Variants in CREB5 observed in about 807,000 individuals in gnomAD.
CREB5 encodes the protein cAMP responsive element binding protein 5, also known as cyclic AMP-responsive element-binding protein 5.
A neutral mutation model predicts 57.1 loss-of-function variants in CREB5; 19 were observed. That is an observed-to-expected ratio of 0.33 (90% CI 0.23 to 0.49). CREB5 has a LOEUF of 0.49. CREB5 is among the 20% of genes least tolerant of loss of function. The pLI is 0.99. For missense variants in CREB5, 579 were observed against 671.6 expected, an observed-to-expected ratio of 0.86 and a Z score of 1.52; for synonymous variants, 238 against 238.3, an observed-to-expected ratio of 1.00 and a Z score of 0.01.
chr7:28,633,704 G>A (rs982568695), intron 5 of CREB5, among the ~76,000 whole-genome samples: 1 of 152,122 alleles, frequency 6.6e-6, no homozygotes, highest in African/African-American at 2.4e-5. Context: ...AGTGGGGGTG[G>A]GGTTCATGGT....
chr7:28,344,183 G>C (rs927676110), intron 1 of CREB5, among the ~76,000 whole-genome samples: 2 of 151,042 alleles, frequency 1.3e-5, no homozygotes, highest in African/African-American at 2.4e-5. Flanking sequence ...TTTTGCTTTT[G>C]TTGCCTGTGC....
exon 1 of CREB5, chr7:28,299,324 CT>C (rs764952523): frequency 1.6e-4 from 24 of 152,248 alleles, no homozygotes; most frequent in Non-Finnish European, 2.6e-4. Flanking sequence ...TATTTTTGAT[CT>C]GATGAATCCA....
At chr7:28,734,077 A>G (rs1475494435) in intron 7 of CREB5, among the ~76,000 whole-genome samples, 3 of 152,150 alleles carry the variant, frequency 2.0e-5, no homozygotes, top group Admixed American at 2.0e-4. Context: ...GCAGCTCTGC[A>G]GAGAAGCCCT....
At chr7:28,581,554 GTCTC>G (rs893965112) in intron 5 of CREB5, among the ~76,000 whole-genome samples, 4 of 152,222 alleles carry the variant, frequency 2.6e-5, no homozygotes, top group Non-Finnish European at 4.4e-5. Flanking sequence ...AAGTATGGGT[GTCTC>G]TCTCCTCCCC....
chr7:28,407,935 T>C (rs1057313697), upstream of CREB5, among the ~76,000 whole-genome samples: 12 of 152,210 alleles, frequency 7.9e-5, no homozygotes, highest in African/African-American at 2.9e-4. Flanking sequence ...AAATGTCAGA[T>C]GTTACATAAA....
intron 1 of CREB5, among the ~76,000 whole-genome samples, chr7:28,375,603 G>GA (rs200904725): frequency 0.017 from 2,310 of 137,202 alleles, 52 homozygotes; most frequent in African/African-American, 0.072. Flanking sequence ...AAGAAAAAAG[G>GA]AAAAAAAAAC....
intron 1 of CREB5, among the ~76,000 whole-genome samples, chr7:28,459,205 G>A (rs1414516271): frequency 6.6e-6 from 1 of 152,098 alleles, no homozygotes; most frequent in Non-Finnish European, 1.5e-5. Flanking sequence ...TGTGTGCGGG[G>A]GAGTCTGTCT....
Position 28,673,862 on chromosome 7 carries a change from C to T in CREB5, c.465-44891C>T, listed in dbSNP as rs146046110. 1.5e-3 allele frequency among the ~76,000 whole-genome samples: 229 copies of T among 151,746 alleles called. 2 individuals are homozygous for T. Among genetic ancestry groups the T allele is most frequent in the East Asian group, 5.8e-3 (30 of 5,140 alleles). ...CTAATTTTTGTATTTTTTGTAGAGACGGGGTCTCATCATGTTGGCCAGGCT... is the reference window on the plus strand; with the variant it reads ...CTAATTTTTGTATTTTTTGTAGAGATGGGGTCTCATCATGTTGGCCAGGCT... On this transcript the variant is annotated intron_variant, in intron 5 of 10. Coordinates refer to ENST00000357727, the MANE Select transcript of CREB5 (RefSeq NM_182898.4).
In CREB5 at chr7:28,605,997, G is replaced by A. The variant is rs556784409; in HGVS notation, c.464+35460G>A. ...AAAACTCAACGACTGAACACTTGAC[G>A]TGGATAAATTTCACTATATGCAATT... On this transcript the variant is annotated intron_variant, in intron 5 of 10. Coordinates refer to ENST00000357727, the MANE Select transcript of CREB5 (RefSeq NM_182898.4). Among the ~76,000 whole-genome samples, 40 of 152,242 alleles carry A rather than the reference G, an allele frequency of 2.6e-4. 1 individual carries two copies. The South Asian group carries it at 6.2e-3, about 24-fold the overall frequency.
chr7:28,439,988 T>G (rs1347334567), intron 1 of CREB5, among the ~76,000 whole-genome samples: 1 of 152,214 alleles, frequency 6.6e-6, no homozygotes, highest in Non-Finnish European at 1.5e-5. Context: ...AACACTTGTC[T>G]GTGCTTAGCT....
chr7:28,362,629 T>C (rs559230047), intron 1 of CREB5, among the ~76,000 whole-genome samples: 41 of 152,338 alleles, frequency 2.7e-4, no homozygotes, highest in African/African-American at 9.6e-4. Flanking sequence ...TAGATAACAC[T>C]AGCAGTTTTC....
chr7:28,398,710 A>T (rs892418876), intron 1 of CREB5, among the ~76,000 whole-genome samples: 1 of 152,074 alleles, frequency 6.6e-6, no homozygotes, highest in South Asian at 2.1e-4. Flanking sequence ...CAGACAATTA[A>T]TATTATTATT....
At chr7:28,561,740 A>G (rs1393260233) in intron 4 of CREB5, among the ~76,000 whole-genome samples, 1 of 152,168 alleles carries the variant, frequency 6.6e-6, no homozygotes, top group Admixed American at 6.5e-5. Context: ...AACAGTGAAC[A>G]GTTATGTCAT....
intron 5 of CREB5, among the ~76,000 whole-genome samples, chr7:28,646,640 T>A (rs1798900543): frequency 6.6e-6 from 1 of 152,112 alleles, no homozygotes; most frequent in South Asian, 2.1e-4. Context: ...GAACAAAGCT[T>A]TTAAACTTAG....
chr7:28,694,464 G>A (rs11767370), intron 5 of CREB5, among the ~76,000 whole-genome samples: 49,721 of 151,878 alleles, frequency 0.33, 9,004 homozygotes, highest in South Asian at 0.42. Flanking sequence ...TCCCTGTGAC[G>A]TGTACAGGTC....
intron 1 of CREB5, among the ~76,000 whole-genome samples, chr7:28,392,640 T>C (rs1787244557): frequency 6.6e-6 from 1 of 152,202 alleles, no homozygotes; most frequent in South Asian, 2.1e-4. Flanking sequence ...TAGATCAATA[T>C]TTCCACTGCC....
chr7:28,635,372 G>A (rs1798377699), intron 5 of CREB5, among the ~76,000 whole-genome samples: 1 of 152,164 alleles, frequency 6.6e-6, no homozygotes, highest in South Asian at 2.1e-4. Context: ...TTTAAAAGAT[G>A]AATACACAGT....
At chr7:28,425,451 T>G (rs1788467934) in intron 1 of CREB5, among the ~76,000 whole-genome samples, 1 of 151,170 alleles carries the variant, frequency 6.6e-6, no homozygotes, top group African/African-American at 2.4e-5. Flanking sequence ...GGGTGGGGAG[T>G]TCAGGGGTGA....
rs1562797479 is a variant in CREB5 at position 28,560,885 on chromosome 7, TGCGTGTGTGTGC to T, written c.292-9478_292-9467del. 9.4e-4 allele frequency among the ~76,000 whole-genome samples: 25 copies of T among 26,476 alleles called. 1 individual carries two copies. The highest frequency in any genetic ancestry group is 1.7e-3 in the African/African-American group (11 of 6,292). The allele number at this position is 26,476 out of a possible 152,430, so 17.4% of individuals were successfully genotyped here. A position where few individuals can be genotyped will look rare whatever the true frequency, so the allele number is the denominator to read the frequency against. ...GTGTGCCTGCGTGCGCGTGCGTGCG[TGCGTGTGTGTGC>T]GTGCGCGCGTGCGTGTGCGTGTGTG... On this transcript the variant is annotated intron_variant, in intron 4 of 10. Transcript: ENST00000357727.
Sources: gnomAD v4.1 joint callset for allele counts (sites outside exome capture counted in the v4.1 genomes callset) on GRCh38, gnomAD v4.1.1 for gene constraint, MANE v1.5 for transcripts, NCBI Gene and HGNC (gene_info 2026-07-23, HGNC 2026-07-21) for gene names.